RPLP0: variants seen among roughly 807,000 people sequenced by gnomAD.
RPLP0 encodes the protein ribosomal protein lateral stalk subunit P0.
For synonymous variants in RPLP0, 137 were observed against 153.4 expected (o/e 0.89, Z 0.79); for missense variants, 276 against 402.9 (o/e 0.69, Z 2.70).
At position 120,196,929 on chromosome 12, in the gene RPLP0, C is replaced by G; in HGVS notation, c.798G>C (p.Lys266Asn). The G allele has an allele frequency of 6.2e-6, 10 of 1,613,298 alleles. No homozygotes were observed. Among genetic ancestry groups the G allele is most frequent in the Non-Finnish European group, 8.5e-6 (10 of 1,179,992 alleles). ...DYTFPLAEKV[K>N]AFLADPSAFV... ...AGGCAGATGGATCAGCCAAGAAGGC[C>G]TTGACCTGAAAGGAGGGGGGAAGTG... is the stretch of plus-strand genomic sequence containing the variant. The change falls in exon 8 of 8, where the codon AAG becomes AAC. Residue 266 changes from lysine to asparagine, a missense_variant. Transcript: ENST00000392514.
chr12:120,197,607 A>ATGC (rs1202890574), intron 6 of RPLP0, 145 bp from the exon 7 acceptor site: 1 of 922,212 alleles, frequency 1.1e-6, no homozygotes, highest in African/African-American at 1.7e-5. Flanking sequence ...CTCATACCAA[A>ATGC]TGCTCCTGGC....
chr12:120,200,053 G>A (rs773321910), intron 2 of RPLP0: 14 of 455,970 alleles, frequency 3.1e-5, no homozygotes, highest in South Asian at 2.2e-4. Context: ...CACCTCAAAG[G>A]CCATCCAAAA....
Position 120,198,711 on chromosome 12 carries a change from T to C in RPLP0, c.494A>G (p.Asp165Gly). 3.1e-6 allele frequency: 5 copies of C among 1,614,102 alleles called. No individual in the cohort carries two copies. The highest frequency in any genetic ancestry group is 4.2e-6 in the Non-Finnish European group (5 of 1,179,958). The change falls in exon 6 of 8, where the codon GAC (aspartate) becomes GGC (glycine). Residue 165 changes from aspartate (D) to glycine (G), a missense_variant. Asp to Gly is a moderately conservative substitution (Grantham distance 94). Transcript: ENST00000392514. This position sits in a 1 kb window ranked among gnomAD's most constrained non-coding sequence, Gnocchi z 4.1. ...LSDVQLIKTGDKVGASEATLL... is the reference protein window; with the variant it reads ...LSDVQLIKTGGKVGASEATLL... ...CGTGGCTTCGCTGGCTCCCACTTTG[T>C]CTCCAGTCTTGATCAGCTGCACATC...
At position 120,200,719 on chromosome 12, in the gene RPLP0, CCT is replaced by C; in HGVS notation, c.54+9_54+10del. On this transcript the variant is annotated intron_variant, in intron 2 of 7. Coordinates refer to ENST00000392514, the MANE Select transcript of RPLP0 (RefSeq NM_001002.4). The stretch of plus-strand genomic sequence containing the variant: ...AACATGAAGAGCAGAGGCGACCCAC[CCT>C]GCACTTACGATGATCTTAAGGAAGT... 2 of 1,609,054 alleles carry C rather than the reference CCT, an allele frequency of 1.2e-6. No homozygotes were observed. Among genetic ancestry groups the C allele is most frequent in the Non-Finnish European group, 1.7e-6 (2 of 1,177,876 alleles).
In RPLP0 at chr12:120,198,309, C is replaced by T. The variant is rs12099681; in HGVS notation, c.651+245G>A. 4,861 of 463,100 alleles carry T rather than the reference C, an allele frequency of 0.01. 189 individuals are homozygous for T. The highest frequency in any genetic ancestry group is 0.086 in the African/African-American group (4,264 of 49,668). 28.7% of individuals were successfully genotyped at this position (463,100 alleles called of 1,614,324 possible). A position where few individuals can be genotyped will look rare whatever the true frequency, so the allele number is the denominator to read the frequency against. ...CTGAGGCAGGAGAATGGTGTGAACC[C>T]GGAGGCGGAGCTTGCAGTGAGCCGG... On this transcript the variant is annotated intron_variant, in intron 6 of 7. Coordinates refer to ENST00000392514, the MANE Select transcript of RPLP0 (RefSeq NM_001002.4). This position sits in a 1 kb window ranked among gnomAD's most constrained non-coding sequence, Gnocchi z 4.1.
chr12:120,197,541 C>T, intron 6 of RPLP0, 79 bp from the exon 7 acceptor site: 1 of 1,521,830 alleles, frequency 6.6e-7, no homozygotes, highest in Non-Finnish European at 8.9e-7. Flanking sequence ...AAAGAGAACC[C>T]TTAGCAGACA....
intron 2 of RPLP0, 79 bp downstream of exon 2, chr12:120,200,651 C>T: frequency 2.7e-6 from 4 of 1,505,548 alleles, no homozygotes; most frequent in Non-Finnish European, 2.7e-6. Flanking sequence ...TGTGAGTAGA[C>T]CCTCAGCACA....
intron 2 of RPLP0, 156 bp downstream of exon 2, chr12:120,200,574 G>C: frequency 1.4e-6 from 1 of 738,488 alleles, no homozygotes; most frequent in East Asian, 2.8e-5. Flanking sequence ...TGCAACAGAA[G>C]GGACCTATCT....
chr12:120,199,280 A>G, intron 3 of RPLP0, 30 bp downstream of exon 3: 2 of 1,613,964 alleles, frequency 1.2e-6, no homozygotes. Flanking sequence ...GGCACTGGGG[A>G]GAAAGGACAA....
At chr12:120,197,936 A>T (rs7980230) in intron 6 of RPLP0, 3,885 of 104,658 alleles carry the variant, frequency 0.037, 162 homozygotes, top group African/African-American at 0.17. Flanking sequence ...AAAGGGCATT[A>T]TTTTTTTTGT....
chr12:120,197,251 G>T (rs1594297476), intron 7 of RPLP0, 71 bp downstream of exon 7: 2 of 1,369,240 alleles, frequency 1.5e-6, no homozygotes, highest in East Asian at 2.3e-5. Context: ...AAAGCAGTAA[G>T]GTAGAAGGCC....
chr12:120,200,261 G>C lies in RPLP0; in HGVS notation c.54+469C>G, dbSNP rs1337193004. 3 of 366,988 alleles carry C rather than the reference G, an allele frequency of 8.2e-6. No individual in the cohort carries two copies. In the Admixed American group the frequency reaches 1.0e-4, roughly 13 times the overall value. 22.7% of individuals were successfully genotyped at this position (366,988 alleles called of 1,614,324 possible). On this transcript the variant is annotated intron_variant, in intron 2 of 7. Coordinates refer to ENST00000392514, the MANE Select transcript of RPLP0 (RefSeq NM_001002.4). Reference sequence around the variant, plus strand: ...AGGTGGATCATGAAGTCAAGAGATCGAGACCATCCTGGCCAACATGGTGAA... The same window carrying C: ...AGGTGGATCATGAAGTCAAGAGATCCAGACCATCCTGGCCAACATGGTGAA...
chr12:120,197,636 C>G, intron 6 of RPLP0, 174 bp from the exon 7 acceptor site: 1 of 719,592 alleles, frequency 1.4e-6, no homozygotes, highest in South Asian at 1.9e-5. Flanking sequence ...TCAGCCCCAT[C>G]AAATAAATTT....
intron 1 of RPLP0, 33 bp downstream of exon 1, chr12:120,201,050 G>A: frequency 2.2e-6 from 1 of 451,840 alleles, no homozygotes; most frequent in Non-Finnish European, 3.9e-6. Context: ...TCCCGCCGGC[G>A]ACCCCTGGCG....
intron 2 of RPLP0, chr12:120,200,499 C>G (rs1879397600): frequency 3.8e-6 from 2 of 522,646 alleles, no homozygotes; most frequent in Non-Finnish European, 6.7e-6. Context: ...TTTTAGAAGC[C>G]AGACAGACCT....
At position 120,198,959 on chromosome 12, in the gene RPLP0, T is replaced by C. The variant is rs1337485451; in HGVS notation, c.360A>G (p.Glu120=). The change falls in exon 5 of 8, where the codon GAA becomes GAG. Residue 120 remains glutamate, a synonymous_variant. Coordinates refer to ENST00000392514, the MANE Select transcript of RPLP0 (RefSeq NM_001002.4). The surrounding 1 kb of genome is among the most constrained non-coding windows in gnomAD (Gnocchi z 4.1). The part of the protein sequence containing the change: ...AARAGAIAPC[E]VTVPAQNTGL... ...CAGTGTTCTGGGCTGGCACAGTGAC[T>C]TCACATGGGGCAATGGCACCAGCAC... is the stretch of plus-strand genomic sequence containing the variant. 3.1e-6 allele frequency: 5 copies of C among 1,613,938 alleles called. No individual in the cohort carries two copies. Among genetic ancestry groups the C allele is most frequent in the Non-Finnish European group, 4.2e-6 (5 of 1,179,972 alleles).
intron 2 of RPLP0, 168 bp downstream of exon 2, chr12:120,200,562 T>C (rs1879400944): frequency 3.0e-6 from 2 of 677,766 alleles, no homozygotes; most frequent in Non-Finnish European, 4.9e-6. Flanking sequence ...AGCCCGTTTA[T>C]CTGCAACAGA....
rs1879264577 is a variant in RPLP0, at chr12:120,198,364, C to CCT, written c.651+189_651+190insAG. ...TTGTGCCACTGCACTCCAGCCTGGG[C>CCT]GACACAGCAAGACTCTGTCTCCAAA... is the stretch of plus-strand genomic sequence containing the variant. On this transcript the variant is annotated intron_variant, in intron 6 of 7. Transcript: ENST00000392514. This position sits in a 1 kb window ranked among gnomAD's most constrained non-coding sequence, Gnocchi z 4.1. 2 of 606,276 alleles carry CCT rather than the reference C, an allele frequency of 3.3e-6. No individual in the cohort carries two copies. The highest frequency in any genetic ancestry group is 5.6e-6 in the Non-Finnish European group (2 of 359,446). 37.6% of individuals were successfully genotyped at this position (606,276 alleles called of 1,614,324 possible).
chr12:120,200,921 C>T, intron 1 of RPLP0, 90 bp from the exon 2 acceptor site: 1 of 1,419,154 alleles, frequency 7.0e-7, no homozygotes, highest in South Asian at 1.5e-5. Context: ...CGCAATCGCC[C>T]GCCGGCCCTG....
Sources: gnomAD v4.1 joint callset for allele counts on GRCh38, gnomAD v4.1.1 for gene constraint, Gnocchi (gnomAD v3.1) non-coding constraint, MANE v1.5 for transcripts, NCBI Gene and HGNC (gene_info 2026-07-23, HGNC 2026-07-21) for gene names.